Variants in ZNF721 observed in about 807,000 individuals in gnomAD.
ZNF721 encodes the protein zinc finger protein 721.
Under a neutral mutation model 2.4 loss-of-function variants are expected in ZNF721, and 2 were observed. That is an observed-to-expected ratio of 0.82 (90% CI 0.34 to 2.58). The LOEUF is 2.58. Among genes scored for constraint, ZNF721 ranks in the 30% most tolerant of loss-of-function variants. The pLI is 0.11. For synonymous variants in ZNF721, 398 were observed against 381.8 expected, an observed-to-expected ratio of 1.04 and a Z score of -0.50; for missense variants, 1,187 against 1,085.5, an observed-to-expected ratio of 1.09 and a Z score of -1.31.
intron 1 of ZNF721, chr4:473,866 G>C: frequency 3.0e-6 from 4 of 1,327,578 alleles, no homozygotes; most frequent in Non-Finnish European, 4.0e-6. Context: ...TGAGGACCGA[G>C]GGCTAAGCGG....
At chr4:474,228 A>C (rs1715563792) in intron 1 of ZNF721, 1 of 383,818 alleles carries the variant, frequency 2.6e-6, no homozygotes, top group Admixed American at 3.6e-5. Context: ...AAGCGCTCTG[A>C]TTGGATATGG....
rs572401513 is a variant in ZNF721, at chr4:471,940, G to GT, written c.34+634dup. 1.5e-3 allele frequency among the ~76,000 whole-genome samples: 234 copies of GT among 152,312 alleles called. 3 individuals are homozygous for GT. The highest frequency in any genetic ancestry group is 5.2e-3 in the African/African-American group (218 of 41,556). On this transcript the variant is annotated intron_variant, in intron 2 of 2. Transcript: ENST00000511833. ...CATGTCACACAAACACAGATGAAGAGTAAGTCCTCACTTAATGTTCAAAAC... is the reference window on the plus strand; with the variant it reads ...CATGTCACACAAACACAGATGAAGAGTTAAGTCCTCACTTAATGTTCAAAAC...
chr4:477,007 G>C (rs569576314), intron 1 of ZNF721, among the ~76,000 whole-genome samples: 2 of 152,098 alleles, frequency 1.3e-5, no homozygotes, highest in African/African-American at 4.8e-5. Flanking sequence ...GGGATCTCTG[G>C]CCTTTTTCTT....
At chr4:459,747 C>T (rs1188842572) in intron 2 of ZNF721, among the ~76,000 whole-genome samples, 3 of 151,140 alleles carry the variant, frequency 2.0e-5, no homozygotes, top group Admixed American at 1.3e-4. Flanking sequence ...AGGAGAATGG[C>T]GTGAACCCAG....
At chr4:491,733 C>A (rs1456085829) in intron 1 of ZNF721, among the ~76,000 whole-genome samples, 1 of 152,208 alleles carries the variant, frequency 6.6e-6, no homozygotes, top group Non-Finnish European at 1.5e-5. Context: ...GACAAAGGAA[C>A]ATTGTGTTTA....
intron 1 of ZNF721, 133 bp from the exon 2 acceptor site, chr4:472,834 TA>T: frequency 8.2e-7 from 1 of 1,224,300 alleles, no homozygotes; most frequent in Non-Finnish European, 1.1e-6. Context: ...TAATGTTCTC[TA>T]AAGTATTCTA....
At chr4:448,366 G>A (rs1012153387) in intron 2 of ZNF721, among the ~76,000 whole-genome samples, 42 of 151,654 alleles carry the variant, frequency 2.8e-4, no homozygotes, top group Non-Finnish European at 5.7e-4. Context: ...AATCTGGGAG[G>A]CGGAGCTTGC....
At chr4:472,444 A>G (rs113609788) in intron 2 of ZNF721, 131 bp downstream of exon 2, 5 of 984,714 alleles carry the variant, frequency 5.1e-6, no homozygotes, top group African/African-American at 1.7e-5. Context: ...TACTATACAC[A>G]TATATAACTT....
At chr4:447,001 A>C (rs906322455) in intron 2 of ZNF721, among the ~76,000 whole-genome samples, 11 of 152,164 alleles carry the variant, frequency 7.2e-5, no homozygotes, top group Admixed American at 3.9e-4. Context: ...AGAATTTTTC[A>C]AATGCAACTC....
rs553926124 is a variant in ZNF721 at position 452,494 on chromosome 4, A to C, written c.35-8062T>G. ...CATTTTACAACCTCTGCGTGCAGTC[A>C]CTAGAAAACGCTATGACTTTCACTG... On this transcript the variant is annotated intron_variant, in intron 2 of 2. Coordinates refer to ENST00000511833, the MANE Select transcript of ZNF721 (RefSeq NM_133474.4). 4.1e-4 allele frequency among the ~76,000 whole-genome samples: 62 copies of C among 152,290 alleles called. 1 individual carries two copies. The highest frequency in any genetic ancestry group is 3.4e-3 in the Middle Eastern group (1 of 294).
intron 1 of ZNF721, among the ~76,000 whole-genome samples, chr4:492,831 TTTATTTACATCTTTC>T (rs1716058174): frequency 6.6e-6 from 1 of 151,330 alleles, no homozygotes; most frequent in South Asian, 2.1e-4. Context: ...TTTTTGTAAC[TTTATTTACATCTTTC>T]TTATTTCATG....
intron 1 of ZNF721, among the ~76,000 whole-genome samples, chr4:497,052 C>T (rs1716172415): frequency 6.6e-6 from 1 of 151,882 alleles, no homozygotes. Flanking sequence ...GAAATAAACA[C>T]CAGCTGGTTG....
intron 2 of ZNF721, among the ~76,000 whole-genome samples, chr4:464,552 C>T (rs922432406): frequency 1.3e-5 from 2 of 150,748 alleles, no homozygotes; most frequent in Non-Finnish European, 3.0e-5. Flanking sequence ...CATATAGCTT[C>T]AATAATCTGT....
At chr4:478,115 C>A (rs1277081553) in intron 1 of ZNF721, among the ~76,000 whole-genome samples, 1 of 152,180 alleles carries the variant, frequency 6.6e-6, no homozygotes, top group African/African-American at 2.4e-5. Context: ...CAGCCGACTC[C>A]TCTTGTAGTG....
At chr4:466,554 G>A (rs1228682316) in intron 2 of ZNF721, among the ~76,000 whole-genome samples, 1 of 152,170 alleles carries the variant, frequency 6.6e-6, no homozygotes, top group Non-Finnish European at 1.5e-5. Flanking sequence ...CTGCAAATTT[G>A]CAGCCATTAC....
intron 1 of ZNF721, among the ~76,000 whole-genome samples, chr4:486,019 T>C (rs1715886748): frequency 6.6e-6 from 1 of 152,046 alleles, no homozygotes; most frequent in South Asian, 2.1e-4. Flanking sequence ...CTGGCTTAAT[T>C]ATTCCGTTGC....
chr4:462,940 A>C (rs1236422662), intron 2 of ZNF721, among the ~76,000 whole-genome samples: 1 of 152,238 alleles, frequency 6.6e-6, no homozygotes. Context: ...GCACAGCAAA[A>C]GAAGTTATCA....
intron 1 of ZNF721, among the ~76,000 whole-genome samples, chr4:494,284 C>G (rs1189481510): frequency 6.6e-6 from 1 of 151,542 alleles, no homozygotes; most frequent in Non-Finnish European, 1.5e-5. Context: ...TGGGTTCACG[C>G]CATTCTCCTG....
chr4:493,040 C>G (rs538434788), intron 1 of ZNF721, among the ~76,000 whole-genome samples: 1 of 151,672 alleles, frequency 6.6e-6, no homozygotes, highest in East Asian at 1.9e-4. Context: ...TAAATTATGA[C>G]CAGTTTGTCC....
Sources: allele counts gnomAD v4.1 joint callset (sites outside exome capture counted in the v4.1 genomes callset), GRCh38; gene constraint gnomAD v4.1.1; transcripts MANE v1.5; gene names NCBI Gene and HGNC (gene_info 2026-07-23, HGNC 2026-07-21).